CACNA1E: variants seen among roughly 807,000 people sequenced by gnomAD.
CACNA1E encodes calcium voltage-gated channel subunit alpha1 E, also known as voltage-dependent R-type calcium channel subunit alpha-1E.
A neutral mutation model predicts 259.2 loss-of-function variants in CACNA1E; 40 were observed. That is an observed-to-expected ratio of 0.15 (90% CI 0.12 to 0.20). CACNA1E has a LOEUF of 0.20. CACNA1E is among the 10% of genes least tolerant of loss of function. CACNA1E has a pLI of 1.00. For synonymous variants in CACNA1E, 1,104 were observed against 1,138.5 expected, an observed-to-expected ratio of 0.97 and a Z score of 0.61; for missense variants, 1,874 against 3,040.1, an observed-to-expected ratio of 0.62 and a Z score of 9.02.
intron 1 of CACNA1E, among the ~76,000 whole-genome samples, chr1:181,388,905 C>T (rs1162760676): frequency 6.6e-6 from 1 of 150,578 alleles, no homozygotes; most frequent in Non-Finnish European, 1.5e-5. Context: ...AAAAAAAAAA[C>T]GTGTTATGAT....
At chr1:181,456,447 G>A (rs1661466750) in intron 2 of CACNA1E, among the ~76,000 whole-genome samples, 1 of 152,156 alleles carries the variant, frequency 6.6e-6, no homozygotes, top group Non-Finnish European at 1.5e-5. Flanking sequence ...TGTGATCTGA[G>A]GTATTCCCTT....
chr1:181,625,615 G>A (rs1451268096), intron 6 of CACNA1E, among the ~76,000 whole-genome samples: 1 of 152,124 alleles, frequency 6.6e-6, no homozygotes, highest in African/African-American at 2.4e-5. Context: ...GGAGACTTAG[G>A]TTCTTGCTCT....
chr1:181,544,124 C>T (rs546733699), intron 3 of CACNA1E, among the ~76,000 whole-genome samples: 7 of 152,190 alleles, frequency 4.6e-5, no homozygotes, highest in Admixed American at 1.3e-4. Context: ...GAATACTACT[C>T]GACAATGAAA....
intron 3 of CACNA1E, among the ~76,000 whole-genome samples, chr1:181,548,073 C>A (rs1647686039): frequency 6.6e-6 from 1 of 151,850 alleles, no homozygotes; most frequent in South Asian, 2.1e-4. Flanking sequence ...CTTCTTAGAG[C>A]CTCCTGGTTA....
Position 181,798,461 on chromosome 1 carries a change from A to T in CACNA1E, c.6569A>T (p.Glu2190Val). 6.2e-7 allele frequency: 1 copy of T among 1,613,788 alleles called. No homozygotes were observed. The highest frequency in any genetic ancestry group is 1.1e-5 in the South Asian group (1 of 91,052). ...ATCTCTCCACCTGCTGATGGAAGCGAGGAGGGCTCCCCGCTGACCTCCCAA... is the reference window on the plus strand; with the variant it reads ...ATCTCTCCACCTGCTGATGGAAGCGTGGAGGGCTCCCCGCTGACCTCCCAA... Reference protein sequence around the residue: ...GSISPPADGSEEGSPLTSQAL... With the variant: ...GSISPPADGSVEGSPLTSQAL... The change falls in exon 48 of 48, where the codon GAG becomes GTG. Residue 2190 changes from glutamate (E) to valine (V), a missense_variant. Around this residue, in one of 14 missense-constraint regions of CACNA1E, gnomAD observed 542 missense variants for 587.2 expected, o/e 0.92. Coordinates refer to ENST00000367573, the MANE Select transcript of CACNA1E (RefSeq NM_001205293.3). The surrounding 1 kb of genome is among the most constrained non-coding windows in gnomAD (Gnocchi z 4.2).
intron 3 of CACNA1E, among the ~76,000 whole-genome samples, chr1:181,539,172 C>T (rs1424910818): frequency 6.6e-6 from 1 of 152,190 alleles, no homozygotes; most frequent in African/African-American, 2.4e-5. Flanking sequence ...TGCTTCCTCC[C>T]CATTTCCTTC....
chr1:181,720,586 A>G (rs1043709803), intron 14 of CACNA1E, among the ~76,000 whole-genome samples, 197 bp from the exon 15 acceptor site: 4 of 152,200 alleles, frequency 2.6e-5, no homozygotes, highest in African/African-American at 9.7e-5. Flanking sequence ...GCGTGGGCAC[A>G]TTCTTCAAAG....
intron 1 of CACNA1E, among the ~76,000 whole-genome samples, chr1:181,409,478 T>A (rs1657695053): frequency 6.6e-6 from 1 of 152,224 alleles, no homozygotes; most frequent in Non-Finnish European, 1.5e-5. Flanking sequence ...CAAACAGCAC[T>A]AATGGTCACC....
At chr1:181,775,975 C>G (rs772301309) in intron 37 of CACNA1E, 126 bp from the exon 38 acceptor site, 6 of 812,656 alleles carry the variant, frequency 7.4e-6, no homozygotes, top group Non-Finnish European at 1.0e-5. Flanking sequence ...TATTCCCTGT[C>G]CCTGCATACC....
chr1:181,436,403 T>C (rs1400025873), intron 2 of CACNA1E, among the ~76,000 whole-genome samples: 2 of 152,178 alleles, frequency 1.3e-5, no homozygotes, highest in South Asian at 2.1e-4. Context: ...TGAAGAGATA[T>C]CCACACTCCC....
intron 30 of CACNA1E, among the ~76,000 whole-genome samples, chr1:181,757,401 A>C (rs889168816): frequency 1.3e-5 from 2 of 152,202 alleles, no homozygotes; most frequent in Non-Finnish European, 2.9e-5. Context: ...ATAACTTCAG[A>C]TATCTGCTTA....
At chr1:181,353,857 G>C (rs1653223068) in intron 1 of CACNA1E, among the ~76,000 whole-genome samples, 1 of 152,176 alleles carries the variant, frequency 6.6e-6, no homozygotes, top group South Asian at 2.1e-4. Flanking sequence ...GGTTGTAAAA[G>C]GCAAGACCAT....
chr1:181,379,794 A>G (rs540101906), intron 1 of CACNA1E, among the ~76,000 whole-genome samples: 1 of 152,236 alleles, frequency 6.6e-6, no homozygotes, highest in South Asian at 2.1e-4. Context: ...GGACAGGAAC[A>G]TTTAGATCAT....
chr1:181,592,638 A>AAAT (rs1652773319), intron 6 of CACNA1E, among the ~76,000 whole-genome samples: 1 of 152,142 alleles, frequency 6.6e-6, no homozygotes, highest in Non-Finnish European at 1.5e-5. Flanking sequence ...AAATGCTCTT[A>AAAT]AAGAGACCCA....
chr1:181,795,887 G>A (rs1273629494), intron 46 of CACNA1E, among the ~76,000 whole-genome samples: 2 of 151,458 alleles, frequency 1.3e-5, no homozygotes, highest in Non-Finnish European at 2.9e-5. Flanking sequence ...GCAGAACTGG[G>A]ACTAGCACTG....
chr1:181,646,050 C>G (rs959825497), intron 6 of CACNA1E, among the ~76,000 whole-genome samples: 8 of 152,146 alleles, frequency 5.3e-5, no homozygotes, highest in Non-Finnish European at 1.2e-4. Flanking sequence ...ACTCACTGCT[C>G]TGTGAATTTT....
intron 1 of CACNA1E, among the ~76,000 whole-genome samples, chr1:181,349,973 C>G (rs1473679620): frequency 6.6e-6 from 1 of 152,136 alleles, no homozygotes; most frequent in Admixed American, 6.5e-5. Flanking sequence ...CTGAGATATT[C>G]TGGGTAAAGA....
At chr1:181,609,621 C>T (rs1253848378) in intron 6 of CACNA1E, among the ~76,000 whole-genome samples, 1 of 152,138 alleles carries the variant, frequency 6.6e-6, no homozygotes, top group Non-Finnish European at 1.5e-5. Flanking sequence ...CTTTGCTTGG[C>T]TATTTGTGTG....
chr1:181,725,311 C>T (rs1367072464), intron 17 of CACNA1E, among the ~76,000 whole-genome samples: 1 of 152,170 alleles, frequency 6.6e-6, no homozygotes, highest in Non-Finnish European at 1.5e-5. Flanking sequence ...GGGTCTGAGT[C>T]CCACACCTGC....
Sources: allele counts gnomAD v4.1 joint callset (sites outside exome capture counted in the v4.1 genomes callset), GRCh38; gene constraint gnomAD v4.1.1; regional missense constraint gnomAD v4.1.1; non-coding constraint Gnocchi (gnomAD v3.1); transcripts MANE v1.5; gene names NCBI Gene and HGNC (gene_info 2026-07-23, HGNC 2026-07-21).